Variants in FGD5 observed in about 807,000 individuals in gnomAD.
The protein encoded by FGD5 is FYVE, RhoGEF and PH domain containing 5.
A neutral mutation model predicts 133.4 loss-of-function variants in FGD5; 28 were observed. The observed-to-expected ratio is 0.21, with a 90% CI of 0.16 to 0.29. FGD5 has a LOEUF of 0.29. Ranked by LOEUF, FGD5 falls within the 10% of genes least tolerant of loss-of-function variation. The probability of loss-of-function intolerance (pLI) is 1.00; values close to 1 mark genes in which losing one functional copy is unlikely to be tolerated. For synonymous variants in FGD5, 810 were observed against 776.5 expected (o/e 1.04, Z -0.72); for missense variants, 1,858 against 1,895.2 (o/e 0.98, Z 0.36).
Position 14,922,012 on chromosome 3 carries a change from G to A in FGD5, c.3664G>A (p.Val1222Met), listed in dbSNP as rs1182393810. 8.3e-6 allele frequency: 13 copies of A among 1,557,694 alleles called. No individual in the cohort carries two copies. The highest frequency in any genetic ancestry group is 2.4e-5 in the East Asian group (1 of 41,318). The change falls in exon 14 of 20, where the codon GTG becomes ATG. Residue 1222 changes from valine (V) to methionine (M), a missense_variant. By Grantham distance (21) the Val-to-Met change is conservative. This residue lies in a region of FGD5 where 1,824 missense variants were observed against 1,848.9 expected (regional missense o/e 0.99). Transcript: ENST00000285046. The surrounding 1 kb of genome is among the most constrained non-coding windows in gnomAD (Gnocchi z 4.1). ...AQALAAFHHS[V>M]EIRERLGVSL... ...GGCGCTGGCTGCATTCCACCATAGC[G>A]TGGAGGTGAGTGGGTGGGCAGGGCC...
At chr3:14,843,437 C>T (rs2036963195) in intron 1 of FGD5, among the ~76,000 whole-genome samples, 1 of 152,148 alleles carries the variant, frequency 6.6e-6, no homozygotes, top group Non-Finnish European at 1.5e-5. Context: ...CTGGGCACCC[C>T]CTTCCCTTTA....
chr3:14,897,583 G>A lies in FGD5; in HGVS notation c.2823G>A (p.Glu941=), dbSNP rs2038161092. 3 of 1,604,788 alleles carry A rather than the reference G, an allele frequency of 1.9e-6. No homozygotes were observed. In the Admixed American group the frequency reaches 5.1e-5, roughly 27 times the overall value. Residue 941 remains glutamate (E), a synonymous_variant, in exon 5 of 20, where the codon GAG becomes GAA. Transcript: ENST00000285046. ...HEGRDTLARE[E]LRQGLSELPA... is the part of the protein sequence containing the mutation. ...GCAGAGACACATTGGCCCGGGAGGA[G>A]CTGAGGCAGGGCCTGAGTGAACTCC...
intron 6 of FGD5, among the ~76,000 whole-genome samples, chr3:14,898,477 ATTAAG>A (rs1234625197): frequency 1.3e-5 from 2 of 152,180 alleles, no homozygotes; most frequent in African/African-American, 4.8e-5. Flanking sequence ...CATTGCTAAC[ATTAAG>A]AGCAGGGCAG....
In FGD5 at chr3:14,923,067, C is replaced by A. The variant is rs371834292; in HGVS notation, c.3829C>A (p.Arg1277=). 2.5e-6 allele frequency: 4 copies of A among 1,613,842 alleles called. No individual in the cohort carries two copies. Among genetic ancestry groups the A allele is most frequent in the East Asian group, 4.5e-5 (2 of 44,866 alleles). Residue 1277 remains arginine (R), a synonymous_variant, in exon 16 of 20, where the codon CGG becomes AGG. Transcript: ENST00000285046. ...CGKIVCRNCS[R]NKYPLKYLKD... ...GCAGATCGTGTGCCGGAACTGTTCG[C>A]GGAACAAGTACCCGCTGAAGTACCT...
chr3:14,814,138 G>A (rs760180135), upstream of FGD5, among the ~76,000 whole-genome samples: 2 of 152,074 alleles, frequency 1.3e-5, no homozygotes. Flanking sequence ...CGTGATACAA[G>A]GAGAGAGAAG....
At chr3:14,837,480 A>G (rs966736639) in intron 1 of FGD5, among the ~76,000 whole-genome samples, 1 of 152,048 alleles carries the variant, frequency 6.6e-6, no homozygotes, top group African/African-American at 2.4e-5. Flanking sequence ...GGGGGGATGT[A>G]TTTGGATGGC....
intron 2 of FGD5, among the ~76,000 whole-genome samples, chr3:14,866,559 T>C (rs549151545): frequency 6.6e-6 from 1 of 152,204 alleles, no homozygotes; most frequent in South Asian, 2.1e-4. Context: ...TTGGGCAACT[T>C]CCTGACCACT....
chr3:14,922,160 T>C lies in FGD5; in HGVS notation c.3669+143T>C. 2.0e-6 allele frequency: 2 copies of C among 1,020,770 alleles called. No homozygotes were observed. Among genetic ancestry groups the C allele is most frequent in the Non-Finnish European group, 2.9e-6 (2 of 692,490 alleles). 63.2% of individuals were successfully genotyped at this position (1,020,770 alleles called of 1,614,324 possible). A position where few individuals can be genotyped will look rare whatever the true frequency, so the allele number is the denominator to read the frequency against. ...GGCTCCCCCCACACCCCTGCCATGC[T>C]CCCACCCTAGTCAGGGGCGGCCTCC... On this transcript the variant is annotated intron_variant, in intron 14 of 19. Transcript: ENST00000285046. The surrounding 1 kb of genome is among the most constrained non-coding windows in gnomAD (Gnocchi z 4.1).
At chr3:14,867,569 A>G (rs1462078759) in intron 2 of FGD5, among the ~76,000 whole-genome samples, 1 of 152,156 alleles carries the variant, frequency 6.6e-6, no homozygotes, top group Non-Finnish European at 1.5e-5. Context: ...CAGTCCCCCA[A>G]GAGGCTGTGA....
At chr3:14,839,567 G>A (rs2036878725) in intron 1 of FGD5, among the ~76,000 whole-genome samples, 1 of 152,220 alleles carries the variant, frequency 6.6e-6, no homozygotes, top group Non-Finnish European at 1.5e-5. Flanking sequence ...TGCCACAGAG[G>A]AGGGGAATGG....
At chr3:14,914,889 G>T (rs1388078447) in intron 11 of FGD5, among the ~76,000 whole-genome samples, 2 of 152,238 alleles carry the variant, frequency 1.3e-5, no homozygotes, top group African/African-American at 4.8e-5. Flanking sequence ...CCAGCGCCTG[G>T]TGCAGAATCG....
At chr3:14,887,498 A>G (rs1288446515) in intron 4 of FGD5, among the ~76,000 whole-genome samples, 1 of 151,890 alleles carries the variant, frequency 6.6e-6, no homozygotes, top group Non-Finnish European at 1.5e-5. Context: ...CGTACCTGTA[A>G]ATAGCCACTG....
intron 7 of FGD5, 105 bp from the exon 8 acceptor site, chr3:14,900,298 A>T (rs1038070873): frequency 1.8e-6 from 2 of 1,117,110 alleles, no homozygotes; most frequent in East Asian, 2.5e-5. Flanking sequence ...GAGAGGGTGG[A>T]TGCTTCATTC....
intron 4 of FGD5, among the ~76,000 whole-genome samples, chr3:14,891,404 C>A (rs897621498): frequency 6.6e-6 from 1 of 152,238 alleles, no homozygotes; most frequent in East Asian, 1.9e-4. Flanking sequence ...AGCTCCTGTA[C>A]AAGGACATTC....
upstream of FGD5, among the ~76,000 whole-genome samples, chr3:14,817,732 T>A (rs2036395726): frequency 6.6e-6 from 1 of 152,188 alleles, no homozygotes; most frequent in Non-Finnish European, 1.5e-5. Flanking sequence ...AGGCCACTTG[T>A]GTCATACCCA....
Position 14,819,351 on chromosome 3 carries a change from T to G in FGD5, c.280T>G (p.Ser94Ala), listed in dbSNP as rs757131872. The G allele has an allele frequency of 1.6e-5, 24 of 1,546,342 alleles. No homozygotes were observed. Among genetic ancestry groups the G allele is most frequent in the Admixed American group, 2.0e-5 (1 of 50,680 alleles). The change falls in exon 1 of 20, where the codon TCC (serine) becomes GCC (alanine). Residue 94 changes from serine to alanine, a missense_variant. This residue lies in a region of FGD5 where 1,824 missense variants were observed against 1,848.9 expected (regional missense o/e 0.99). Transcript: ENST00000285046. This position sits in a 1 kb window ranked among gnomAD's most constrained non-coding sequence, Gnocchi z 4.1. ...GAACAAAGCCCTGGTGTCTCCCGAGTCCTCTGCGGAAGAGGAAGAGGAGCG... is the reference window on the plus strand; with the variant it reads ...GAACAAAGCCCTGGTGTCTCCCGAGGCCTCTGCGGAAGAGGAAGAGGAGCG... ...VGNKALVSPE[S>A]SAEEEEEREE...
chr3:14,875,507 A>G (rs1355248118), intron 2 of FGD5, among the ~76,000 whole-genome samples: 5 of 152,148 alleles, frequency 3.3e-5, no homozygotes, highest in Admixed American at 2.0e-4. Flanking sequence ...CTGGAGCTCC[A>G]TGTGGCATGG....
chr3:14,902,131 AC>A (rs2038251594), intron 9 of FGD5, among the ~76,000 whole-genome samples: 1 of 151,434 alleles, frequency 6.6e-6, no homozygotes, highest in African/African-American at 2.4e-5. Flanking sequence ...AAAATACAAA[AC>A]TTAGCCAGGT....
chr3:14,872,054 A>C (rs1039221054), intron 2 of FGD5, among the ~76,000 whole-genome samples: 1 of 152,192 alleles, frequency 6.6e-6, no homozygotes, highest in Non-Finnish European at 1.5e-5. Context: ...ACGTGTGCTC[A>C]CTTAAGTCTG....
Sources: gnomAD v4.1 joint callset for allele counts (sites outside exome capture counted in the v4.1 genomes callset) on GRCh38, gnomAD v4.1.1 for gene constraint, gnomAD v4.1.1 regional missense constraint, Gnocchi (gnomAD v3.1) non-coding constraint, MANE v1.5 for transcripts, NCBI Gene and HGNC (gene_info 2026-07-23, HGNC 2026-07-21) for gene names.